NBPF9: variants seen among roughly 807,000 people sequenced by gnomAD.
NBPF9 encodes the protein NBPF family member NBPF9.
Under a neutral mutation model 97.8 loss-of-function variants are expected in NBPF9, and 91 were observed. That is an observed-to-expected ratio of 0.93 (90% CI 0.79 to 1.11). The LOEUF is 1.11. NBPF9 is among the 50% of genes least tolerant of loss of function. The probability of loss-of-function intolerance (pLI) is 0.00; values close to 1 mark genes in which losing one functional copy is unlikely to be tolerated. For missense variants in NBPF9, 992 were observed against 939.5 expected (o/e 1.06, Z -0.73); for synonymous variants, 334 against 359.5 (o/e 0.93, Z 0.80).
intron 29 of NBPF9, 61 bp from the exon 30 acceptor site, chr1:149,055,960 C>A (rs587674855): frequency 1.6e-5 from 26 of 1,611,312 alleles, no homozygotes; most frequent in African/African-American, 2.7e-5. Context: ...CAGAGCCCCA[C>A]TAGATTTCAG....
intron 17 of NBPF9, among the ~76,000 whole-genome samples, chr1:149,067,304 G>A (rs797030308): frequency 0.34 from 33,730 of 100,274 alleles, 7,940 homozygotes; most frequent in East Asian, 0.5. Flanking sequence ...GTGTGTATGT[G>A]TATATATATA....
intron 5 of NBPF9, chr1:149,090,219 T>G (rs1380184375): frequency 6.8e-6 from 1 of 146,336 alleles, no homozygotes; most frequent in Non-Finnish European, 1.5e-5. Context: ...AAATGTTCCT[T>G]TGGCTCTGAT....
chr1:149,068,553 G>C (rs1197335866), intron 17 of NBPF9, among the ~76,000 whole-genome samples: 2 of 151,538 alleles, frequency 1.3e-5, no homozygotes, highest in Non-Finnish European at 1.5e-5. Context: ...ATGGTAAAGG[G>C]ATCAATTCAA....
rs1195673645 is a variant in NBPF9, at chr1:149,088,491, G to T, written c.-195+2262C>A. ...CTTTTTTCTCTGATTTAATAGAAAAGCATTCAATCTTATGCCATTTAATAT... is the reference window on the plus strand; with the variant it reads ...CTTTTTTCTCTGATTTAATAGAAAATCATTCAATCTTATGCCATTTAATAT... On this transcript the variant is annotated intron_variant, in intron 5 of 29. Coordinates refer to ENST00000584027, the Ensembl canonical transcript of NBPF9. Among the ~76,000 whole-genome samples the T allele has an allele frequency of 2.3e-3, 352 of 152,272 alleles. 1 individual carries two copies. The highest frequency in any genetic ancestry group is 2.9e-3 in the Non-Finnish European group (198 of 68,036).
At chr1:149,057,733 AC>A in intron 27 of NBPF9, among the ~76,000 whole-genome samples, 1 of 99,184 alleles carries the variant, frequency 1.0e-5, no homozygotes, top group Admixed American at 1.1e-4. Flanking sequence ...ACACACACAC[AC>A]ACACACACAC....
chr1:149,055,825 G>C (rs587618048), exon 30 of NBPF9: 6 of 1,606,174 alleles, frequency 3.7e-6, no homozygotes, highest in Non-Finnish European at 5.1e-6. Context: ...GTACATTGAC[G>C]GAGTAGAATA....
At chr1:149,077,776 C>G in intron 10 of NBPF9, 107 bp downstream of exon 10, 2 of 1,502,162 alleles carry the variant, frequency 1.3e-6, no homozygotes, top group Non-Finnish European at 1.8e-6. Flanking sequence ...ATACTGTGGC[C>G]AAGGGGATGC....
At chr1:149,099,936 C>T (rs1453808666) in intron 3 of NBPF9, among the ~76,000 whole-genome samples, 4 of 148,384 alleles carry the variant, frequency 2.7e-5, no homozygotes, top group African/African-American at 7.4e-5. Context: ...GACCCATGAT[C>T]GTACCACTCC....
At chr1:149,074,818 T>C (rs1475057066) in intron 12 of NBPF9, among the ~76,000 whole-genome samples, 2 of 151,148 alleles carry the variant, frequency 1.3e-5, no homozygotes, top group Admixed American at 6.6e-5. Context: ...TCATTATTAT[T>C]ATTATTATTA....
chr1:149,084,307 G>A (rs1441067842), intron 5 of NBPF9, among the ~76,000 whole-genome samples: 20 of 143,624 alleles, frequency 1.4e-4, no homozygotes, highest in African/African-American at 2.6e-4. Context: ...ATGTATACAC[G>A]TATATATAAT....
At chr1:149,084,705 G>A (rs1358216690) in intron 5 of NBPF9, among the ~76,000 whole-genome samples, 1 of 151,530 alleles carries the variant, frequency 6.6e-6, no homozygotes, top group Non-Finnish European at 1.5e-5. Context: ...CCGTCCCAGG[G>A]AAAACCTTCC....
intron 29 of NBPF9, 113 bp from the exon 30 acceptor site, chr1:149,056,012 C>G (rs1288597144): frequency 3.8e-6 from 6 of 1,594,876 alleles, no homozygotes; most frequent in East Asian, 4.5e-5. Context: ...AAGGATAGAT[C>G]CATTAATGAG....
chr1:149,082,023 T>C, exon 7 of NBPF9: 2 of 1,609,732 alleles, frequency 1.2e-6, no homozygotes, highest in Non-Finnish European at 8.5e-7. Context: ...AACATCTCTC[T>C]TTGAGGTTTC....
chr1:149,064,791 C>T (rs2078922856), intron 18 of NBPF9: 1 of 584,794 alleles, frequency 1.7e-6, no homozygotes, highest in African/African-American at 1.9e-5. Context: ...TCTAACACCT[C>T]ATAGGAGAGA....
Position 149,082,126 on chromosome 1 carries a change from G to A in NBPF9, c.14C>T (p.Ala5Val), listed in dbSNP as rs1352716358. 6.8e-6 allele frequency: 11 copies of A among 1,611,786 alleles called. No homozygotes were observed. In the South Asian group the frequency reaches 9.9e-5, roughly 14 times the overall value. Residue 5 changes from alanine to valine, a missense_variant, in exon 7 of 30, where the codon GCC becomes GTC. Around this residue, in one of 11 missense-constraint regions of NBPF9, gnomAD observed 65 missense variants for 52.1 expected, o/e 1.25. Transcript: ENST00000584027. ...TGCCTTCTCGCTGGACCAAGGGCCG[G>A]CTGATACCACCATGCTGACGTTTGT...
At position 149,063,566 on chromosome 1, in the gene NBPF9, C is replaced by T; in HGVS notation, c.2026+67G>A. On this transcript the variant is annotated intron_variant, in intron 20 of 29. Transcript: ENST00000584027. ...CTCTCAGCTCAGTAACGGCCACTTG[C>T]AGTAGGAATATGACCCTAACCAGAA... 4.6e-6 allele frequency: 3 copies of T among 646,890 alleles called. 1 individual carries two copies. 40.1% of individuals were successfully genotyped at this position (646,890 alleles called of 1,614,324 possible). A position where few individuals can be genotyped will look rare whatever the true frequency, so the allele number is the denominator to read the frequency against.
At position 149,061,596 on chromosome 1, in the gene NBPF9, C is replaced by T. The variant is rs879051556; in HGVS notation, c.2252-213G>A. The stretch of plus-strand genomic sequence containing the variant: ...GTGAAATATCCCCATTCTGGTAGAT[C>T]GTTATCCCAAAATCATTTATCCCAA... On this transcript the variant is annotated intron_variant, in intron 22 of 29. Coordinates refer to ENST00000584027, the Ensembl canonical transcript of NBPF9. 8.8e-5 allele frequency: 26 copies of T among 293,836 alleles called. 7 individuals are homozygous for T. Among genetic ancestry groups the T allele is most frequent in the Middle Eastern group, 2.5e-3 (2 of 796 alleles). The allele number at this position is 293,836 out of a possible 1,614,324, so 18.2% of individuals were successfully genotyped here. A position where few individuals can be genotyped will look rare whatever the true frequency, so the allele number is the denominator to read the frequency against.
intron 11 of NBPF9, among the ~76,000 whole-genome samples, 198 bp from the exon 12 acceptor site, chr1:149,076,062 G>A (rs1229049108): frequency 1.3e-5 from 2 of 151,672 alleles, no homozygotes; most frequent in Non-Finnish European, 2.9e-5. Context: ...TTGAAACCAA[G>A]ACATAAACAC....
At chr1:149,079,363 G>A (rs1553655783) in intron 8 of NBPF9, 142 bp from the exon 9 acceptor site, 3 of 866,612 alleles carry the variant, frequency 3.5e-6, no homozygotes, top group Non-Finnish European at 5.9e-6. Context: ...AATGTCTGTG[G>A]CCAAGAGAAA....
Sources: allele counts gnomAD v4.1 joint callset (sites outside exome capture counted in the v4.1 genomes callset), GRCh38; gene constraint gnomAD v4.1.1; regional missense constraint gnomAD v4.1.1; transcripts MANE v1.5; gene names NCBI Gene and HGNC (gene_info 2026-07-23, HGNC 2026-07-21).